IGSF5: variants seen among roughly 807,000 people sequenced by gnomAD.
IGSF5 encodes the protein immunoglobulin superfamily 5 like.
In IGSF5, 41 loss-of-function variants were observed where a neutral mutation model predicts 39.4. The ratio of observed to expected loss-of-function variants is 1.04; its 90% CI spans 0.81 to 1.35. The LOEUF is 1.35. Ranked by LOEUF, IGSF5 falls within the 40% of genes most tolerant of loss-of-function variation. The pLI, the probability that IGSF5 is intolerant of heterozygous loss-of-function variation, is 0.00. For missense variants in IGSF5, 487 were observed against 494.6 expected, an observed-to-expected ratio of 0.98 and a Z score of 0.15; for synonymous variants, 183 against 175.3, an observed-to-expected ratio of 1.04 and a Z score of -0.34.
At chr21:39,741,617 C>T (rs2079949123), upstream of IGSF5, among the ~76,000 whole-genome samples, 1 of 152,182 alleles carries the variant, frequency 6.6e-6, no homozygotes, top group African/African-American at 2.4e-5. Flanking sequence ...AGAACTGGCT[C>T]AAGTCTTGGG....
At position 39,801,370 on chromosome 21, in the gene IGSF5, C is replaced by A; in HGVS notation, c.*13C>A. 6.3e-7 allele frequency: 1 copy of A among 1,583,484 alleles called. No homozygotes were observed. The highest frequency in any genetic ancestry group is 8.7e-7 in the Non-Finnish European group (1 of 1,152,474). ...AACTGTAGTATAGCAAAGCCTTCCCCAAGCTCCACTGAGCACTTGGCTGAC... is the reference window on the plus strand; with the variant it reads ...AACTGTAGTATAGCAAAGCCTTCCCAAAGCTCCACTGAGCACTTGGCTGAC... On this transcript the variant is annotated 3_prime_UTR_variant, in exon 9 of 9. Transcript: ENST00000380588.
At chr21:39,749,516 CTCAA>C (rs1233996536) in intron 2 of IGSF5, among the ~76,000 whole-genome samples, 1 of 152,226 alleles carries the variant, frequency 6.6e-6, no homozygotes, top group African/African-American at 2.4e-5. Flanking sequence ...CCCAGCCGGT[CTCAA>C]TCAATTTAGA....
At chr21:39,765,009 TCTTC>T (rs1484566546) in intron 2 of IGSF5, among the ~76,000 whole-genome samples, 3 of 152,204 alleles carry the variant, frequency 2.0e-5, no homozygotes, top group African/African-American at 7.2e-5. Flanking sequence ...CTTCCATGCC[TCTTC>T]CTTAGCTTCT....
At chr21:39,747,952 C>A (rs396774) in intron 2 of IGSF5, among the ~76,000 whole-genome samples, 110,305 of 141,788 alleles carry the variant, frequency 0.78, 42,001 homozygotes, top group Non-Finnish European at 0.83. Flanking sequence ...AAAAAAAAAA[C>A]AACCGATTCC....
chr21:39,713,945 T>A, the IGSF5 span, among the ~76,000 whole-genome samples: 2 of 152,240 alleles, frequency 1.3e-5, no homozygotes, highest in African/African-American at 4.8e-5. Context: ...GTCCACATAG[T>A]GGACCAACAT....
At position 39,771,122 on chromosome 21, in the gene IGSF5, A is replaced by G. The variant is rs1281464836; in HGVS notation, c.625A>G (p.Ser209Gly). 1 of 1,612,452 alleles carries G rather than the reference A, an allele frequency of 6.2e-7. No homozygotes were observed. The highest frequency in any genetic ancestry group is 1.3e-5 in the African/African-American group (1 of 74,908). The change falls in exon 4 of 9, where the codon AGC becomes GGC. Residue 209 changes from serine to glycine, a missense_variant. By Grantham distance (56) the Ser-to-Gly change is moderately conservative (BLOSUM62 0). Coordinates refer to ENST00000380588, the MANE Select transcript of IGSF5 (RefSeq NM_001080444.2). ...AVSILALTPQ[S>G]NGTLTCVATW... The stretch of plus-strand genomic sequence containing the variant: ...GAGCATCCTGGCTCTGACCCCACAG[A>G]GCAATGGGACTTTGACTTGCGTGGC...
chr21:39,796,359 A>T (rs372959997), intron 8 of IGSF5, among the ~76,000 whole-genome samples: 2 of 152,172 alleles, frequency 1.3e-5, no homozygotes, highest in Non-Finnish European at 2.9e-5. Context: ...GGCCTATGTC[A>T]CCAGGTTCGT....
At chr21:39,744,348 G>T (rs2079961776), upstream of IGSF5, among the ~76,000 whole-genome samples, 1 of 152,260 alleles carries the variant, frequency 6.6e-6, no homozygotes, top group African/African-American at 2.4e-5. Context: ...ATTCGTTTCA[G>T]AGAGGGTGTA....
At chr21:39,788,112 G>C in intron 5 of IGSF5, 55 bp from the exon 6 acceptor site, 4 of 1,404,548 alleles carry the variant, frequency 2.8e-6, no homozygotes, top group Non-Finnish European at 3.0e-6. Flanking sequence ...AATGAGACTC[G>C]ATTTTTAGAA....
chr21:39,791,155 A>G (rs2146293668), intron 6 of IGSF5, among the ~76,000 whole-genome samples: 2 of 152,286 alleles, frequency 1.3e-5, no homozygotes, highest in East Asian at 1.9e-4. Context: ...TTTTCCAAAG[A>G]AGGTGTACAG....
intron 4 of IGSF5, among the ~76,000 whole-genome samples, chr21:39,771,494 C>A (rs1441976786): frequency 6.6e-6 from 1 of 152,126 alleles, no homozygotes; most frequent in Non-Finnish European, 1.5e-5. Flanking sequence ...AGTTTGGAGA[C>A]AAATGCTTGA....
At chr21:39,780,412 A>G (rs574600785) in intron 5 of IGSF5, among the ~76,000 whole-genome samples, 5 of 152,238 alleles carry the variant, frequency 3.3e-5, no homozygotes, top group African/African-American at 1.2e-4. Flanking sequence ...CACCAAAGAC[A>G]CTGATTATTG....
At chr21:39,763,821 A>G (rs959418743) in intron 2 of IGSF5, among the ~76,000 whole-genome samples, 13 of 152,166 alleles carry the variant, frequency 8.5e-5, no homozygotes, top group Non-Finnish European at 1.0e-4. Context: ...CAAGCAATTC[A>G]GAGTTCATGG....
chr21:39,763,393 C>A (rs1411300670), intron 2 of IGSF5, among the ~76,000 whole-genome samples: 1 of 152,180 alleles, frequency 6.6e-6, no homozygotes, highest in Non-Finnish European at 1.5e-5. Context: ...CCTGTTTCAT[C>A]TGAAAGTCAA....
chr21:39,758,116 G>A (rs754556420), intron 2 of IGSF5, among the ~76,000 whole-genome samples: 22 of 152,160 alleles, frequency 1.4e-4, no homozygotes, highest in Non-Finnish European at 2.5e-4. Context: ...TGTGCTGGTC[G>A]TCCTGGCACG....
the IGSF5 span, among the ~76,000 whole-genome samples, chr21:39,737,509 G>A: frequency 2.0e-5 from 3 of 152,196 alleles, no homozygotes; most frequent in South Asian, 2.1e-4. Context: ...CTTCAAGCTG[G>A]AGTTCCCACA....
At chr21:39,763,674 C>T (rs2080071706) in intron 2 of IGSF5, among the ~76,000 whole-genome samples, 2 of 152,124 alleles carry the variant, frequency 1.3e-5, no homozygotes, top group African/African-American at 4.8e-5. Context: ...GCTCACCCAC[C>T]CCATCATCCC....
chr21:39,792,053 T>C lies in IGSF5; in HGVS notation c.1002T>C (p.Ser334=). The C allele has an allele frequency of 1.2e-6, 2 of 1,610,936 alleles. No individual in the cohort carries two copies. Among genetic ancestry groups the C allele is most frequent in the South Asian group, 1.1e-5 (1 of 90,386 alleles). The change falls in exon 7 of 9, where the codon AGT becomes AGC. Residue 334 remains serine (S), a synonymous_variant. Transcript: ENST00000380588. ...EKTNKETETE[S]GNENSGYNSD... Reference sequence around the variant, plus strand: ...CAAACAAAGAAACTGAGACAGAAAGTGGAAATGAAAACTCCGGCTACAATT... The same window carrying C: ...CAAACAAAGAAACTGAGACAGAAAGCGGAAATGAAAACTCCGGCTACAATT...
At chr21:39,745,656 T>C (rs74386924) in intron 1 of IGSF5, 130 bp downstream of exon 1, 33,939 of 639,740 alleles carry the variant, frequency 0.053, 2,058 homozygotes, top group East Asian at 0.26. Context: ...CCCAAGAAAA[T>C]TGAAAGTGGA....
Sources: allele counts gnomAD v4.1 joint callset (sites outside exome capture counted in the v4.1 genomes callset), GRCh38; gene constraint gnomAD v4.1.1; transcripts MANE v1.5; gene names NCBI Gene and HGNC (gene_info 2026-07-23, HGNC 2026-07-21).